CDYL: variants seen among roughly 807,000 people sequenced by gnomAD.
The protein encoded by CDYL is chromodomain Y-like protein.
A neutral mutation model predicts 47.3 loss-of-function variants in CDYL; 8 were observed. The ratio of observed to expected loss-of-function variants is 0.17; its 90% confidence interval spans 0.10 to 0.31. The LOEUF (loss-of-function observed/expected upper bound fraction) is 0.31, where lower values mean the gene tolerates loss of function less well. Ranked by LOEUF, CDYL falls within the 10% of genes least tolerant of loss-of-function variation. The probability of loss-of-function intolerance (pLI) is 1.00; values close to 1 mark genes in which losing one functional copy is unlikely to be tolerated. For synonymous variants in CDYL, 266 were observed against 265.0 expected (o/e 1.00, Z -0.04); for missense variants, 471 against 701.4 (o/e 0.67, Z 3.71).
chr6:4,757,334 T>C (rs1758090658), intron 3 of CDYL, among the ~76,000 whole-genome samples: 1 of 152,236 alleles, frequency 6.6e-6, no homozygotes, highest in South Asian at 2.1e-4. Flanking sequence ...TTCTTTGCTT[T>C]ATAAAACAAT....
At chr6:4,752,288 G>A (rs1160673673) in intron 3 of CDYL, among the ~76,000 whole-genome samples, 1 of 152,196 alleles carries the variant, frequency 6.6e-6, no homozygotes, top group African/African-American at 2.4e-5. Flanking sequence ...CAAGATGAAT[G>A]TTGTGAAGGG....
intron 1 of CDYL, among the ~76,000 whole-genome samples, chr6:4,879,552 G>GTTTT (rs59685693): frequency 2.0e-4 from 21 of 106,180 alleles, no homozygotes; most frequent in South Asian, 3.1e-4. Flanking sequence ...TTTTTGTGGG[G>GTTTT]TTTTTTTTTT....
chr6:4,722,400 CAA>C (rs1029119228), intron 2 of CDYL, among the ~76,000 whole-genome samples: 5 of 151,352 alleles, frequency 3.3e-5, no homozygotes, highest in African/African-American at 1.2e-4. Flanking sequence ...CTCAAGAAAA[CAA>C]AGAAAAAATT....
chr6:4,913,898 G>A (rs1490550877), intron 2 of CDYL, among the ~76,000 whole-genome samples: 5 of 152,218 alleles, frequency 3.3e-5, no homozygotes, highest in African/African-American at 9.6e-5. Context: ...GGCGGAGCCC[G>A]GGTCTAGCCT....
chr6:4,917,585 C>T (rs755449415), intron 2 of CDYL, among the ~76,000 whole-genome samples: 3 of 152,104 alleles, frequency 2.0e-5, no homozygotes, highest in African/African-American at 2.4e-5. Context: ...CTCTAATCTC[C>T]GATTTACAGA....
intron 2 of CDYL, among the ~76,000 whole-genome samples, chr6:4,910,456 T>C (rs74669961): frequency 0.034 from 5,124 of 152,336 alleles, 95 homozygotes; most frequent in Middle Eastern, 0.082. Context: ...TTAAGCACAC[T>C]GCATACTATG....
intron 1 of CDYL, among the ~76,000 whole-genome samples, chr6:4,712,619 G>C (rs1757172230): frequency 6.6e-6 from 1 of 152,164 alleles, no homozygotes; most frequent in Non-Finnish European, 1.5e-5. Flanking sequence ...TTCCACACTG[G>C]GATATTCACT....
chr6:4,883,065 C>A (rs1180306622), intron 1 of CDYL, among the ~76,000 whole-genome samples: 1 of 152,160 alleles, frequency 6.6e-6, no homozygotes, highest in East Asian at 1.9e-4. Flanking sequence ...CCTAAAATTG[C>A]CTTGTCCCTC....
intron 1 of CDYL, among the ~76,000 whole-genome samples, chr6:4,827,780 G>A (rs1016393621): frequency 2.0e-5 from 3 of 151,616 alleles, no homozygotes; most frequent in African/African-American, 2.4e-5. Flanking sequence ...TCAGCCTCCC[G>A]AGTAGCTGGG....
intron 1 of CDYL, among the ~76,000 whole-genome samples, chr6:4,835,119 T>G (rs926351300): frequency 6.6e-6 from 1 of 152,222 alleles, no homozygotes; most frequent in Admixed American, 6.5e-5. Context: ...GGTGAGGAAC[T>G]GCGATCCTTT....
In CDYL at chr6:4,955,289, A is replaced by C. The variant is rs1271513564; in HGVS notation, c.*1233A>C. ...AATCATATTGAATGTATGAAGAGCG[A>C]AATCAAATTCTTATTTTTGTACAGT... On this transcript the variant is annotated 3_prime_UTR_variant, in exon 7 of 7. Transcript: ENST00000397588. The C allele has an allele frequency of 1.3e-5, 2 of 152,630 alleles. No homozygotes were observed. The highest frequency in any genetic ancestry group is 1.5e-5 in the Non-Finnish European group (1 of 68,032). The allele number at this position is 152,630 out of a possible 1,614,324, so 9.5% of individuals were successfully genotyped here. A position where few individuals can be genotyped will look rare whatever the true frequency, so the allele number is the denominator to read the frequency against.
At chr6:4,936,657 T>G (rs1281348476) in intron 3 of CDYL, among the ~76,000 whole-genome samples, 4 of 152,218 alleles carry the variant, frequency 2.6e-5, no homozygotes, top group African/African-American at 9.7e-5. Context: ...TTAACGCACT[T>G]ACGCACCAAA....
At chr6:4,937,840 A>G (rs1581279367) in intron 4 of CDYL, 103 bp downstream of exon 4, 2 of 819,912 alleles carry the variant, frequency 2.4e-6, no homozygotes, top group East Asian at 2.8e-5. Flanking sequence ...TAAGATACAC[A>G]TCTTCTCCCA....
chr6:4,893,434 T>C (rs992039598), intron 2 of CDYL, among the ~76,000 whole-genome samples: 4 of 152,226 alleles, frequency 2.6e-5, no homozygotes, highest in Admixed American at 2.6e-4. Context: ...GGCTCATGCC[T>C]GTAGTCTCAA....
At position 4,756,290 on chromosome 6, in the gene CDYL, A is replaced by G. The variant is rs1162301341; in HGVS notation, c.186+21446A>G. ...GCTTTCCACATTTCGACTCCAACCT[A>G]CTTTTCCAATAGCTGATAAAATTCA... On this transcript the variant is annotated intron_variant, in intron 3 of 8. Transcript: ENST00000328908. Among the ~76,000 whole-genome samples, 3 of 152,040 alleles carry G rather than the reference A, an allele frequency of 2.0e-5. No homozygotes were observed. In the East Asian group the frequency reaches 5.8e-4, roughly 29 times the overall value.
intron 2 of CDYL, among the ~76,000 whole-genome samples, chr6:4,907,034 G>A (rs909771042): frequency 2.0e-5 from 3 of 152,178 alleles, no homozygotes; most frequent in Admixed American, 6.5e-5. Flanking sequence ...TTCCACACTG[G>A]GTTTTCTTGA....
chr6:4,828,200 C>CCA (rs199882154), intron 1 of CDYL, among the ~76,000 whole-genome samples: 1 of 146,704 alleles, frequency 6.8e-6, no homozygotes, highest in African/African-American at 2.5e-5. Context: ...TCAGTTTCAA[C>CCA]GTTAGTTTGC....
intron 1 of CDYL, among the ~76,000 whole-genome samples, chr6:4,855,520 T>C (rs1475118237): frequency 6.6e-6 from 1 of 152,172 alleles, no homozygotes; most frequent in Non-Finnish European, 1.5e-5. Context: ...CAAGAAGGCA[T>C]AGATTCTCAA....
chr6:4,842,276 G>A (rs1760525158), intron 1 of CDYL, among the ~76,000 whole-genome samples: 1 of 145,740 alleles, frequency 6.9e-6, no homozygotes, highest in South Asian at 2.1e-4. Context: ...ATAAATATCT[G>A]TTAAGTCCTT....
Sources: gnomAD v4.1 joint callset for allele counts (sites outside exome capture counted in the v4.1 genomes callset) on GRCh38, gnomAD v4.1.1 for gene constraint, MANE v1.5 for transcripts, NCBI Gene and HGNC (gene_info 2026-07-23, HGNC 2026-07-21) for gene names.